Variants in NFE2L3 observed in about 807,000 individuals in gnomAD.
NFE2L3 encodes NFE2 like bZIP transcription factor 3.
In NFE2L3, 18 loss-of-function variants were observed where a neutral mutation model predicts 23.5. The ratio of observed to expected loss-of-function variants is 0.77; its 90% CI spans 0.53 to 1.13. The LOEUF (loss-of-function observed/expected upper bound fraction) is 1.13. Among genes scored for constraint, NFE2L3 ranks in the 50% most tolerant of loss-of-function variants. The pLI, the probability that NFE2L3 is intolerant of heterozygous loss-of-function variation, is 0.00. For synonymous variants in NFE2L3, 424 were observed against 354.5 expected (o/e 1.20, Z -2.20); for missense variants, 1,152 against 877.2 (o/e 1.31, Z -3.96).
At chr7:26,179,895 G>A (rs542659311) in intron 2 of NFE2L3, among the ~76,000 whole-genome samples, 3 of 152,148 alleles carry the variant, frequency 2.0e-5, no homozygotes, top group South Asian at 4.1e-4. Flanking sequence ...GCACCTTTTC[G>A]TGTATAGGTT....
At chr7:26,156,574 C>T (rs770221057) in intron 1 of NFE2L3, among the ~76,000 whole-genome samples, 1 of 152,156 alleles carries the variant, frequency 6.6e-6, no homozygotes, top group Admixed American at 6.5e-5. Context: ...TCATTCACAA[C>T]GGATGAAGCA....
intron 1 of NFE2L3, among the ~76,000 whole-genome samples, chr7:26,163,997 T>A (rs1329889339): frequency 1.3e-5 from 2 of 152,246 alleles, no homozygotes; most frequent in Non-Finnish European, 2.9e-5. Context: ...CATCCTTTTT[T>A]ATGGCTGCAT....
intron 2 of NFE2L3, among the ~76,000 whole-genome samples, chr7:26,183,336 TCAAA>T (rs1562678812): frequency 6.6e-6 from 1 of 151,956 alleles, no homozygotes; most frequent in African/African-American, 2.4e-5. Flanking sequence ...TCACTTGCGG[TCAAA>T]AGTTCGAGAC....
intron 1 of NFE2L3, among the ~76,000 whole-genome samples, chr7:26,170,863 C>T (rs1185300023): frequency 6.6e-6 from 1 of 152,118 alleles, no homozygotes; most frequent in Non-Finnish European, 1.5e-5. Context: ...GTTTTGAAAC[C>T]AGCCTGGGCA....
rs377528328 is a variant in NFE2L3 at position 26,169,824 on chromosome 7, G to A, written c.571-8119G>A. On this transcript the variant is annotated intron_variant, in intron 1 of 3. Transcript: ENST00000056233. ...TCCAGATTCTTGAGAGTGGCCGGGC[G>A]CGGTGGCTCACGCCTGTAATCCCGG... Among the ~76,000 whole-genome samples the A allele has an allele frequency of 7.2e-5, 11 of 152,286 alleles. No individual in the cohort carries two copies. In the East Asian group the frequency reaches 9.6e-4, roughly 13 times the overall value.
At position 26,171,825 on chromosome 7, in the gene NFE2L3, G is replaced by A. The variant is rs1218981135; in HGVS notation, c.571-6118G>A. 2.0e-5 allele frequency among the ~76,000 whole-genome samples: 3 copies of A among 152,016 alleles called. No individual in the cohort carries two copies. The East Asian group carries it at 5.8e-4, about 29-fold the overall frequency. ...GAGGAAGAATTGTTTGACTAGCCTGGGCAACATAGCAAGACCCCATCTCTA... is the reference window on the plus strand; with the variant it reads ...GAGGAAGAATTGTTTGACTAGCCTGAGCAACATAGCAAGACCCCATCTCTA... On this transcript the variant is annotated intron_variant, in intron 1 of 3. Coordinates refer to ENST00000056233, the MANE Select transcript of NFE2L3 (RefSeq NM_004289.7).
intron 1 of NFE2L3, among the ~76,000 whole-genome samples, chr7:26,164,165 T>C (rs1784212500): frequency 6.6e-6 from 1 of 152,260 alleles, no homozygotes; most frequent in Non-Finnish European, 1.5e-5. Flanking sequence ...CCTTTGGGTA[T>C]ATACCCAGTA....
chr7:26,157,255 G>A (rs2128097258), intron 1 of NFE2L3, among the ~76,000 whole-genome samples: 1 of 152,174 alleles, frequency 6.6e-6, no homozygotes. Context: ...ACAGCTCACT[G>A]CTACCTCAAC....
chr7:26,183,693 C>CTCTA lies in NFE2L3; in HGVS notation c.751-7_751-4dup. ...TGTGAAAGATGCACTTTTTGTGTTTCTCTACAGAGACATCTGAATGGGACA... is the reference window on the plus strand; with the variant it reads ...TGTGAAAGATGCACTTTTTGTGTTTCTCTATCTACAGAGACATCTGAATGGGACA... On this transcript the variant is annotated splice_region_variant and splice_polypyrimidine_tract_variant and intron_variant, in intron 2 of 3. Coordinates refer to ENST00000056233, the MANE Select transcript of NFE2L3 (RefSeq NM_004289.7). 1 of 1,590,478 alleles carries CTCTA rather than the reference C, an allele frequency of 6.3e-7. No individual in the cohort carries two copies. The highest frequency in any genetic ancestry group is 1.3e-5 in the African/African-American group (1 of 74,534).
chr7:26,186,453 T>G lies in NFE2L3; in HGVS notation c.*670T>G, dbSNP rs1199261501. 1 of 151,914 alleles carries G rather than the reference T, an allele frequency of 6.6e-6. No individual in the cohort carries two copies. Among genetic ancestry groups the G allele is most frequent in the Non-Finnish European group, 1.5e-5 (1 of 68,164 alleles). The allele number at this position is 151,914 out of a possible 1,614,324, so 9.4% of individuals were successfully genotyped here. A position where few individuals can be genotyped will look rare whatever the true frequency, so the allele number is the denominator to read the frequency against. ...TCAACATAGTATGCCAAATCCATAGTAAGGCAAATCCACCCCCCTACCCCA... is the reference window on the plus strand; with the variant it reads ...TCAACATAGTATGCCAAATCCATAGGAAGGCAAATCCACCCCCCTACCCCA... On this transcript the variant is annotated 3_prime_UTR_variant, in exon 4 of 4. Transcript: ENST00000056233.
Position 26,163,626 on chromosome 7 carries a change from C to T in NFE2L3, c.570+10558C>T, listed in dbSNP as rs375539019. Among the ~76,000 whole-genome samples the T allele has an allele frequency of 1.3e-3, 199 of 152,274 alleles. 1 individual carries two copies. The highest frequency in any genetic ancestry group is 4.7e-3 in the African/African-American group (194 of 41,536). ...CCTCCCAAAGTGCTGGGATTACAGG[C>T]GTGAGCTACCACACGTGGCCAGGAT... On this transcript the variant is annotated intron_variant, in intron 1 of 3. Coordinates refer to ENST00000056233, the MANE Select transcript of NFE2L3 (RefSeq NM_004289.7).
In NFE2L3 at chr7:26,153,082, G is replaced by C. The variant is rs1381136463; in HGVS notation, c.570+14G>C. The C allele has an allele frequency of 1.3e-6, 2 of 1,517,840 alleles. No individual in the cohort carries two copies. The highest frequency in any genetic ancestry group is 1.8e-6 in the Non-Finnish European group (2 of 1,137,538). The allele number at this position is 1,517,840 out of a possible 1,614,324, so 94.0% of individuals were successfully genotyped here. ...TGTGCGAGCGAGGTAGGTGCAGAGCGGGAAGCGAGCGAAGTGCGGCGTCTA... is the reference window on the plus strand; with the variant it reads ...TGTGCGAGCGAGGTAGGTGCAGAGCCGGAAGCGAGCGAAGTGCGGCGTCTA... On this transcript the variant is annotated intron_variant, in intron 1 of 3. Coordinates refer to ENST00000056233, the MANE Select transcript of NFE2L3 (RefSeq NM_004289.7).
At chr7:26,183,058 A>G (rs563516026) in intron 2 of NFE2L3, among the ~76,000 whole-genome samples, 36 of 151,162 alleles carry the variant, frequency 2.4e-4, no homozygotes, top group Non-Finnish European at 5.0e-4. Flanking sequence ...AAGTGCTGGG[A>G]TTACAAGCGT....
chr7:26,185,445 A>C lies in NFE2L3; in HGVS notation c.1747A>C (p.Arg583=). The change falls in exon 4 of 4, where the codon AGA becomes CGA. Residue 583 remains arginine (R), a synonymous_variant. Coordinates refer to ENST00000056233, the MANE Select transcript of NFE2L3 (RefSeq NM_004289.7). Reference sequence around the variant, plus strand: ...ACAAGTCTCACTTATCCGTGACATCAGACGAAGAGGGAAAAATAAAGTTGC... The same window carrying C: ...ACAAGTCTCACTTATCCGTGACATCCGACGAAGAGGGAAAAATAAAGTTGC... ...DLQVSLIRDI[R]RRGKNKVAAQ... 8 of 1,614,120 alleles carry C rather than the reference A, an allele frequency of 5.0e-6. No homozygotes were observed. The highest frequency in any genetic ancestry group is 6.8e-6 in the Non-Finnish European group (8 of 1,179,960).
At chr7:26,183,897 T>G (rs1340271994) in intron 3 of NFE2L3, 113 bp downstream of exon 3, 1 of 708,878 alleles carries the variant, frequency 1.4e-6, no homozygotes, top group Non-Finnish European at 2.5e-6. Flanking sequence ...AATGCTTATT[T>G]TTACAGAAGC....
chr7:26,178,940 T>A (rs1020495271), intron 2 of NFE2L3, among the ~76,000 whole-genome samples: 2 of 152,166 alleles, frequency 1.3e-5, no homozygotes, highest in African/African-American at 4.8e-5. Flanking sequence ...AGGGCTGTGT[T>A]TTGAATACCT....
rs775326323 is a variant in NFE2L3, at chr7:26,183,760, A to C, written c.810A>C (p.Ser270=). ...FSLEDLFQLL[S]SQPENSLEGI... ...TGGAAGACTTATTCCAGTTGCTTTC[A>C]TCACAGCCTGAAAATTCACTGGAGG... Residue 270 remains serine, a synonymous_variant, in exon 3 of 4, where the codon TCA becomes TCC. Coordinates refer to ENST00000056233, the MANE Select transcript of NFE2L3 (RefSeq NM_004289.7). 2 of 1,613,228 alleles carry C rather than the reference A, an allele frequency of 1.2e-6. No individual in the cohort carries two copies. Among genetic ancestry groups the C allele is most frequent in the Non-Finnish European group, 1.7e-6 (2 of 1,179,152 alleles).
rs1052426193 is a variant in NFE2L3, at chr7:26,166,834, C to T, written c.571-11109C>T. On this transcript the variant is annotated intron_variant, in intron 1 of 3. Coordinates refer to ENST00000056233, the MANE Select transcript of NFE2L3 (RefSeq NM_004289.7). ...TTTGGCCTTACCATTCTCCCTCTGA[C>T]GTCATCCTTCTCATAGGCACCACAC... Among the ~76,000 whole-genome samples the T allele has an allele frequency of 4.6e-5, 7 of 152,324 alleles. No individual in the cohort carries two copies. The South Asian group carries it at 8.3e-4, about 18-fold the overall frequency.
intron 1 of NFE2L3, among the ~76,000 whole-genome samples, chr7:26,176,265 C>T (rs1338061271): frequency 6.6e-6 from 1 of 152,200 alleles, no homozygotes; most frequent in Non-Finnish European, 1.5e-5. Context: ...CTTCTTTCTA[C>T]ACAGACACAG....
Sources: gnomAD v4.1 joint callset for allele counts (sites outside exome capture counted in the v4.1 genomes callset) on GRCh38, gnomAD v4.1.1 for gene constraint, MANE v1.5 for transcripts, NCBI Gene and HGNC (gene_info 2026-07-23, HGNC 2026-07-21) for gene names.